QKI: variants seen among roughly 807,000 people sequenced by gnomAD.
QKI encodes KH domain-containing RNA-binding protein QKI.
A neutral mutation model predicts 39.0 loss-of-function variants in QKI; 10 were observed. The observed-to-expected ratio is 0.26, with a 90% CI of 0.16 to 0.43. The LOEUF (loss-of-function observed/expected upper bound fraction) is 0.43, where lower values mean the gene tolerates loss of function less well. QKI is among the 20% of genes least tolerant of loss of function. The probability of loss-of-function intolerance (pLI) is 1.00; values close to 1 mark genes in which losing one functional copy is unlikely to be tolerated. For missense variants in QKI, 218 were observed against 428.0 expected, an observed-to-expected ratio of 0.51 and a Z score of 4.33; for synonymous variants, 204 against 155.4, an observed-to-expected ratio of 1.31 and a Z score of -2.33.
Position 163,433,600 on chromosome 6 carries a change from A to G in QKI, c.142+18265A>G, listed in dbSNP as rs1789006396. On this transcript the variant is annotated intron_variant, in intron 1 of 7. Transcript: ENST00000361752. ...GCCAACATAGTGAAATCCCATCTCT[A>G]CTAAAAATATACAAAAATTAGCCGG... 2.6e-5 allele frequency among the ~76,000 whole-genome samples: 4 copies of G among 152,108 alleles called. No individual in the cohort carries two copies. In the South Asian group the frequency reaches 8.3e-4, roughly 32 times the overall value.
In QKI at chr6:163,574,810, TAAC is replaced by T. The variant is rs1361046473; in HGVS notation, c.*4103_*4105del. 4.6e-5 allele frequency: 7 copies of T among 152,330 alleles called. No homozygotes were observed. Among genetic ancestry groups the T allele is most frequent in the African/African-American group, 7.2e-5 (3 of 41,588 alleles). The allele number at this position is 152,330 out of a possible 1,614,324, so 9.4% of individuals were successfully genotyped here. The stretch of plus-strand genomic sequence containing the variant: ...CAGGATGAATTTTTGCATTTGTAAA[TAAC>T]AATTTATCTTTGTAAATTACATTTT... On this transcript the variant is annotated 3_prime_UTR_variant, in exon 8 of 8. Transcript: ENST00000361752.
At position 163,573,356 on chromosome 6, in the gene QKI, C is replaced by G. The variant is rs926016726; in HGVS notation, c.*2646C>G. ...GATGGGAGTGTCGCTTGTATGTTAT[C>G]GTACAGCTGACATGTATTTTTGTCT... is the stretch of plus-strand genomic sequence containing the variant. On this transcript the variant is annotated 3_prime_UTR_variant, in exon 8 of 8. Coordinates refer to ENST00000361752, the MANE Select transcript of QKI (RefSeq NM_006775.3). 1 of 151,954 alleles carries G rather than the reference C, an allele frequency of 6.6e-6. No homozygotes were observed. Among genetic ancestry groups the G allele is most frequent in the South Asian group, 2.1e-4 (1 of 4,820 alleles). The allele number at this position is 151,954 out of a possible 1,614,324, so 9.4% of individuals were successfully genotyped here. A position where few individuals can be genotyped will look rare whatever the true frequency, so the allele number is the denominator to read the frequency against.
intron 3 of QKI, among the ~76,000 whole-genome samples, chr6:163,501,393 A>G (rs1212743953): frequency 6.6e-6 from 1 of 152,080 alleles, no homozygotes; most frequent in Admixed American, 6.6e-5. Flanking sequence ...ATTGCTCACA[A>G]TCTGATGTTT....
At chr6:163,508,214 TACTTGAAGA>T (rs1779216676) in intron 3 of QKI, among the ~76,000 whole-genome samples, 6 of 151,804 alleles carry the variant, frequency 4.0e-5, no homozygotes, top group Admixed American at 3.9e-4. Context: ...TGAAAAAAAA[TACTTGAAGA>T]ACTAATGGCA....
At chr6:163,455,066 T>A in intron 1 of QKI, 1 of 357,246 alleles carries the variant, frequency 2.8e-6, no homozygotes, top group Non-Finnish European at 5.0e-6. Flanking sequence ...GTTATTTGAT[T>A]CGTATAAAAA....
rs934512309 is a variant in QKI at position 163,577,640 on chromosome 6, CTT to C, written c.*6931_*6932del. 46 of 152,690 alleles carry C rather than the reference CTT, an allele frequency of 3.0e-4. No individual in the cohort carries two copies. The highest frequency in any genetic ancestry group is 1.1e-3 in the African/African-American group (46 of 41,554). 9.5% of individuals were successfully genotyped at this position (152,690 alleles called of 1,614,324 possible). Reference sequence around the variant, plus strand: ...GGGCTGTTGATTTTCTTACTCTTCTCTTGCTTTAATCCTTCCCCCCGGCTCTC... The same window carrying C: ...GGGCTGTTGATTTTCTTACTCTTCTCGCTTTAATCCTTCCCCCCGGCTCTC... On this transcript the variant is annotated 3_prime_UTR_variant, in exon 8 of 8. Transcript: ENST00000361752.
intron 4 of QKI, among the ~76,000 whole-genome samples, chr6:163,538,543 G>A (rs1414639055): frequency 1.3e-5 from 2 of 152,166 alleles, no homozygotes; most frequent in African/African-American, 2.4e-5. Flanking sequence ...GCAGATCCAA[G>A]GCCTGTAGGC....
At chr6:163,482,908 G>T (rs1489120656) in intron 3 of QKI, among the ~76,000 whole-genome samples, 1 of 152,092 alleles carries the variant, frequency 6.6e-6, no homozygotes, top group African/African-American at 2.4e-5. Flanking sequence ...TAGAGGTTGG[G>T]GAATGAGGCT....
At chr6:163,530,494 G>A (rs1187608255) in intron 3 of QKI, among the ~76,000 whole-genome samples, 1 of 152,096 alleles carries the variant, frequency 6.6e-6, no homozygotes, top group Non-Finnish European at 1.5e-5. Context: ...TTTATAATCT[G>A]CTTAAGAAAC....
chr6:163,453,304 A>G (rs1790709872), intron 1 of QKI, among the ~76,000 whole-genome samples: 2 of 151,910 alleles, frequency 1.3e-5, no homozygotes, highest in Admixed American at 6.6e-5. Context: ...TTTTTAAGCA[A>G]ATTTTATCTA....
At chr6:163,556,373 G>A (rs930761208) in intron 4 of QKI, among the ~76,000 whole-genome samples, 6 of 151,778 alleles carry the variant, frequency 4.0e-5, no homozygotes, top group African/African-American at 9.7e-5. Flanking sequence ...TTAGCTGGGC[G>A]TAGTGACATA....
intron 3 of QKI, among the ~76,000 whole-genome samples, chr6:163,498,316 T>C (rs1026298553): frequency 6.6e-6 from 1 of 152,212 alleles, no homozygotes; most frequent in African/African-American, 2.4e-5. Flanking sequence ...GAAAGTTTTA[T>C]TGGACAATGT....
chr6:163,493,596 G>A (rs546971969), intron 3 of QKI, among the ~76,000 whole-genome samples: 34 of 152,258 alleles, frequency 2.2e-4, no homozygotes, highest in African/African-American at 7.7e-4. Flanking sequence ...GCTCATGCTT[G>A]TAATTCCAGC....
intron 3 of QKI, among the ~76,000 whole-genome samples, chr6:163,498,188 T>TAAAAAAAA (rs10650302): frequency 1.6e-5 from 2 of 125,560 alleles, no homozygotes; most frequent in South Asian, 2.7e-4. Context: ...GCAGCTGTGG[T>TAAAAAAAA]AAAAAAAAAA....
intron 4 of QKI, among the ~76,000 whole-genome samples, chr6:163,557,490 G>A (rs766649099): frequency 6.6e-6 from 1 of 152,128 alleles, no homozygotes; most frequent in African/African-American, 2.4e-5. Flanking sequence ...TAAGTCAATT[G>A]AACTTATGGA....
intron 3 of QKI, among the ~76,000 whole-genome samples, chr6:163,509,815 A>C (rs910616205): frequency 2.0e-5 from 3 of 152,182 alleles, no homozygotes; most frequent in Non-Finnish European, 4.4e-5. Context: ...ACAGTAGTAA[A>C]AATGGTAGAT....
intron 1 of QKI, among the ~76,000 whole-genome samples, chr6:163,426,889 T>A (rs969540721): frequency 1.3e-5 from 2 of 152,224 alleles, no homozygotes; most frequent in Non-Finnish European, 2.9e-5. Context: ...ATGGATTTCA[T>A]AGATTCAATG....
Position 163,539,621 on chromosome 6 carries a change from G to T in QKI, c.546+4496G>T, listed in dbSNP as rs189531861. Reference sequence around the variant, plus strand: ...GTGAACATTTCCCTTCTCTTCAGTGGAAGAGATGCTGCATGAATTTGGCAG... The same window carrying T: ...GTGAACATTTCCCTTCTCTTCAGTGTAAGAGATGCTGCATGAATTTGGCAG... On this transcript the variant is annotated intron_variant, in intron 4 of 7. Coordinates refer to ENST00000361752, the MANE Select transcript of QKI (RefSeq NM_006775.3). Among the ~76,000 whole-genome samples the T allele has an allele frequency of 1.6e-3, 250 of 152,246 alleles. 2 individuals are homozygous for T. The highest frequency in any genetic ancestry group is 0.013 in the Admixed American group (199 of 15,286).
chr6:163,457,357 A>G (rs1325858759), intron 2 of QKI: 2 of 455,870 alleles, frequency 4.4e-6, no homozygotes, highest in African/African-American at 2.0e-5. Context: ...CCTGTTCACT[A>G]TATTCCTTTC....
Sources: gnomAD v4.1 joint callset for allele counts (sites outside exome capture counted in the v4.1 genomes callset) on GRCh38, gnomAD v4.1.1 for gene constraint, MANE v1.5 for transcripts, NCBI Gene and HGNC (gene_info 2026-07-23, HGNC 2026-07-21) for gene names.